Variants in FHIT observed in about 807,000 individuals in gnomAD.
FHIT encodes bis(5'-adenosyl)-triphosphatase.
In FHIT, 19 loss-of-function variants were observed where a neutral mutation model predicts 17.9. The observed-to-expected ratio is 1.06, with a 90% CI of 0.74 to 1.56. The LOEUF (loss-of-function observed/expected upper bound fraction) is 1.56. Ranked by LOEUF, FHIT falls within the 40% of genes most tolerant of loss-of-function variation. FHIT has a pLI of 0.00. For missense variants in FHIT, 248 were observed against 189.2 expected, an observed-to-expected ratio of 1.31 and a Z score of -1.82; for synonymous variants, 81 against 69.7, an observed-to-expected ratio of 1.16 and a Z score of -0.81.
chr3:60,355,226 T>C (rs144238852), intron 5 of FHIT, among the ~76,000 whole-genome samples: 1 of 152,192 alleles, frequency 6.6e-6, no homozygotes, highest in African/African-American at 2.4e-5. Flanking sequence ...TTACCCAAAA[T>C]TAAGTTCCAC....
At chr3:60,150,597 T>C (rs887742583) in intron 5 of FHIT, among the ~76,000 whole-genome samples, 24 of 152,208 alleles carry the variant, frequency 1.6e-4, no homozygotes, top group African/African-American at 5.1e-4. Context: ...GCTGAGACTA[T>C]AGGTGTGCAC....
At chr3:60,314,680 T>C (rs1709089836) in intron 5 of FHIT, among the ~76,000 whole-genome samples, 2 of 152,170 alleles carry the variant, frequency 1.3e-5, no homozygotes. Context: ...ACATATGGTG[T>C]GGCAGAATAA....
At chr3:60,300,442 G>C (rs1452394648) in intron 5 of FHIT, among the ~76,000 whole-genome samples, 2 of 152,056 alleles carry the variant, frequency 1.3e-5, no homozygotes, top group African/African-American at 4.8e-5. Context: ...AGTTCTAATG[G>C]AAAGATGGTC....
chr3:59,786,527 G>A (rs767107362), intron 8 of FHIT, among the ~76,000 whole-genome samples: 6 of 152,190 alleles, frequency 3.9e-5, no homozygotes, highest in Non-Finnish European at 8.8e-5. Context: ...CGTGCGATGC[G>A]TGATAAAATA....
chr3:60,035,431 T>TTTCA (rs1370242966), intron 5 of FHIT, among the ~76,000 whole-genome samples: 1 of 152,160 alleles, frequency 6.6e-6, no homozygotes, highest in Non-Finnish European at 1.5e-5. Flanking sequence ...AGAGAAGAGG[T>TTTCA]TTCACCTTGT....
chr3:60,615,380 G>C (rs1488366238), intron 4 of FHIT, among the ~76,000 whole-genome samples: 4 of 152,140 alleles, frequency 2.6e-5, no homozygotes, highest in Non-Finnish European at 5.9e-5. Context: ...GATTCCGTGG[G>C]CTGAATGTAC....
At chr3:59,936,186 C>A (rs1048579572) in intron 7 of FHIT, among the ~76,000 whole-genome samples, 4 of 152,138 alleles carry the variant, frequency 2.6e-5, no homozygotes, top group South Asian at 2.1e-4. Context: ...GAAGAAGAAA[C>A]CTAACCTTTC....
At chr3:60,187,177 C>T (rs1702193625) in intron 5 of FHIT, among the ~76,000 whole-genome samples, 1 of 152,054 alleles carries the variant, frequency 6.6e-6, no homozygotes, top group African/African-American at 2.4e-5. Flanking sequence ...GGCCAGGGAA[C>T]ACAAAATACA....
chr3:61,184,766 G>A (rs979545906), intron 2 of FHIT, among the ~76,000 whole-genome samples: 1 of 152,156 alleles, frequency 6.6e-6, no homozygotes, highest in Non-Finnish European at 1.5e-5. Flanking sequence ...AGAGTCATGA[G>A]AGAAGGTGAG....
intron 3 of FHIT, among the ~76,000 whole-genome samples, chr3:60,955,015 C>A (rs992532006): frequency 3.9e-5 from 6 of 152,138 alleles, no homozygotes; most frequent in African/African-American, 1.2e-4. Context: ...ACCATATACT[C>A]CAAGATTCAA....
chr3:60,302,911 G>A (rs371928711), intron 5 of FHIT, among the ~76,000 whole-genome samples: 2 of 152,250 alleles, frequency 1.3e-5, no homozygotes, highest in East Asian at 1.9e-4. Context: ...AAGCTTTGAT[G>A]CCATCAGCCT....
intron 5 of FHIT, among the ~76,000 whole-genome samples, chr3:60,089,255 T>A (rs1703628381): frequency 6.6e-6 from 1 of 152,318 alleles, no homozygotes; most frequent in African/African-American, 2.4e-5. Flanking sequence ...TCATGACACA[T>A]TTATTTTCTT....
chr3:60,221,054 T>C (rs1703937270), intron 5 of FHIT, among the ~76,000 whole-genome samples: 1 of 152,204 alleles, frequency 6.6e-6, no homozygotes, highest in African/African-American at 2.4e-5. Context: ...GATGGCTTTA[T>C]AATGCCTAAA....
intron 5 of FHIT, 129 bp downstream of exon 5, chr3:60,536,730 TG>T: frequency 2.1e-6 from 2 of 933,678 alleles, no homozygotes; most frequent in Non-Finnish European, 3.0e-6. Flanking sequence ...GTCTCCGAAG[TG>T]GGAGGGAGAT....
chr3:60,157,116 GATTT>G (rs1210298923), intron 5 of FHIT, among the ~76,000 whole-genome samples: 2 of 151,794 alleles, frequency 1.3e-5, no homozygotes, highest in East Asian at 1.9e-4. Context: ...AACATTTATT[GATTT>G]ATTAAGTGCA....
intron 3 of FHIT, among the ~76,000 whole-genome samples, chr3:61,039,070 A>G (rs1286612240): frequency 1.3e-5 from 2 of 152,174 alleles, no homozygotes; most frequent in Non-Finnish European, 2.9e-5. Context: ...GGGATCACTT[A>G]AAAATATATA....
intron 4 of FHIT, among the ~76,000 whole-genome samples, chr3:60,773,807 T>A (rs1447603602): frequency 1.3e-5 from 2 of 152,238 alleles, no homozygotes; most frequent in Non-Finnish European, 2.9e-5. Context: ...TTATTATAAG[T>A]TTAATTCATG....
intron 5 of FHIT, among the ~76,000 whole-genome samples, chr3:60,435,159 G>C (rs2030098678): frequency 6.6e-6 from 1 of 152,084 alleles, no homozygotes; most frequent in South Asian, 2.1e-4. Flanking sequence ...CTGAAATGTA[G>C]GCTATCCAGT....
intron 5 of FHIT, among the ~76,000 whole-genome samples, chr3:60,421,545 C>T (rs1274777265): frequency 6.6e-6 from 1 of 151,916 alleles, no homozygotes; most frequent in African/African-American, 2.4e-5. Context: ...AGGAGAAAAT[C>T]ATGATGCTGA....
Sources: gnomAD v4.1 joint callset for allele counts (sites outside exome capture counted in the v4.1 genomes callset) on GRCh38, gnomAD v4.1.1 for gene constraint, MANE v1.5 for transcripts, NCBI Gene and HGNC (gene_info 2026-07-23, HGNC 2026-07-21) for gene names.